Variants in SLC9A9 observed in about 807,000 individuals in gnomAD.
The protein encoded by SLC9A9 is sodium/hydrogen exchanger 9.
A neutral mutation model predicts 77.8 loss-of-function variants in SLC9A9; 62 were observed. That is an observed-to-expected ratio of 0.80 (90% CI 0.65 to 0.98). The LOEUF (loss-of-function observed/expected upper bound fraction) is 0.98. SLC9A9 is among the 50% of genes least tolerant of loss of function. The probability of loss-of-function intolerance (pLI) is 0.00; values close to 1 mark genes in which losing one functional copy is unlikely to be tolerated. For synonymous variants in SLC9A9, 320 were observed against 283.5 expected, an observed-to-expected ratio of 1.13 and a Z score of -1.29; for missense variants, 775 against 774.9, an observed-to-expected ratio of 1.00 and a Z score of 0.00.
In SLC9A9 at chr3:143,810,872, G is replaced by A. The variant is rs16854361; in HGVS notation, c.379-13969C>T. Among the ~76,000 whole-genome samples, 1,390 of 152,284 alleles carry A rather than the reference G, an allele frequency of 9.1e-3. 20 individuals are homozygous for A. The highest frequency in any genetic ancestry group is 0.031 in the African/African-American group (1,302 of 41,546). ...GGTTATAGTCCAAGAAAGGGAAGAC[G>A]CTGTATAATTGCATCTAAGGTGCTG... On this transcript the variant is annotated intron_variant, in intron 2 of 15. Transcript: ENST00000316549.
chr3:143,389,353 A>T (rs1193646607), intron 12 of SLC9A9, among the ~76,000 whole-genome samples: 1 of 152,334 alleles, frequency 6.6e-6, no homozygotes, highest in Middle Eastern at 3.4e-3. Context: ...CTAAGTTAGC[A>T]GTGGTGGAAA....
chr3:143,807,223 C>T (rs2008743300), intron 2 of SLC9A9, among the ~76,000 whole-genome samples: 1 of 152,096 alleles, frequency 6.6e-6, no homozygotes, highest in African/African-American at 2.4e-5. Flanking sequence ...GAGTGTGGAT[C>T]ACTTGAGGTC....
chr3:143,538,267 C>T (rs2036627138), intron 9 of SLC9A9, among the ~76,000 whole-genome samples: 1 of 152,112 alleles, frequency 6.6e-6, no homozygotes, highest in Non-Finnish European at 1.5e-5. Context: ...CTCTTTTAGT[C>T]TCTAGTATGC....
chr3:143,279,340 C>A (rs1257898985), intron 14 of SLC9A9, among the ~76,000 whole-genome samples: 2 of 152,176 alleles, frequency 1.3e-5, no homozygotes, highest in Non-Finnish European at 2.9e-5. Context: ...TAGGGTCCTG[C>A]CATAGGAATG....
chr3:143,694,499 A>G (rs1352890511), intron 4 of SLC9A9, among the ~76,000 whole-genome samples: 1 of 152,182 alleles, frequency 6.6e-6, no homozygotes, highest in Non-Finnish European at 1.5e-5. Context: ...GGCTAAAAAT[A>G]ATGATCAAAA....
At chr3:143,442,715 A>C (rs532762436) in intron 12 of SLC9A9, among the ~76,000 whole-genome samples, 146 of 152,196 alleles carry the variant, frequency 9.6e-4, no homozygotes, top group African/African-American at 3.4e-3. Flanking sequence ...ACAGAGTGAA[A>C]CTCCATCTCA....
At chr3:143,290,241 C>T (rs946521724) in intron 14 of SLC9A9, among the ~76,000 whole-genome samples, 2 of 152,138 alleles carry the variant, frequency 1.3e-5, no homozygotes, top group African/African-American at 4.8e-5. Flanking sequence ...TGGGATGGTC[C>T]AAGGCAAACC....
At chr3:143,493,623 C>A in intron 11 of SLC9A9, 30 bp downstream of exon 11, 1 of 1,573,402 alleles carries the variant, frequency 6.4e-7, no homozygotes, top group South Asian at 1.1e-5. Context: ...AGAAAACCAG[C>A]AGCACTAACA....
At chr3:143,430,209 A>G (rs2034486366) in intron 12 of SLC9A9, among the ~76,000 whole-genome samples, 1 of 152,160 alleles carries the variant, frequency 6.6e-6, no homozygotes, top group Non-Finnish European at 1.5e-5. Context: ...ATCAAGGAAA[A>G]CAGGTTGTGA....
chr3:143,483,479 C>T (rs962729639), intron 11 of SLC9A9, among the ~76,000 whole-genome samples: 1 of 152,200 alleles, frequency 6.6e-6, no homozygotes, highest in African/African-American at 2.4e-5. Flanking sequence ...TAAACTGTCA[C>T]CTCCAGGTGC....
At chr3:143,463,082 A>G (rs1310983784) in intron 12 of SLC9A9, among the ~76,000 whole-genome samples, 1 of 152,226 alleles carries the variant, frequency 6.6e-6, no homozygotes, top group African/African-American at 2.4e-5. Flanking sequence ...AATACAAGTC[A>G]GTTATTATTG....
intron 6 of SLC9A9, among the ~76,000 whole-genome samples, chr3:143,639,034 A>C (rs1045413050): frequency 2.0e-5 from 3 of 152,256 alleles, no homozygotes; most frequent in Non-Finnish European, 4.4e-5. Context: ...CCTGAAATAA[A>C]AGACATTTTC....
chr3:143,623,048 C>T (rs1409571879), intron 6 of SLC9A9, among the ~76,000 whole-genome samples: 1 of 152,164 alleles, frequency 6.6e-6, no homozygotes, highest in Non-Finnish European at 1.5e-5. Flanking sequence ...GAGATCAATT[C>T]AACAAGAAGA....
chr3:143,628,154 T>C (rs368894301), intron 6 of SLC9A9, among the ~76,000 whole-genome samples: 1 of 152,298 alleles, frequency 6.6e-6, no homozygotes, highest in African/African-American at 2.4e-5. Context: ...GAAGCTGTTT[T>C]CCTAAGGGAC....
chr3:143,567,938 G>A (rs1307057007), intron 8 of SLC9A9, among the ~76,000 whole-genome samples: 1 of 152,178 alleles, frequency 6.6e-6, no homozygotes, highest in Non-Finnish European at 1.5e-5. Flanking sequence ...CCGTCTTTGA[G>A]ACTGTCTTCC....
At chr3:143,298,013 C>T (rs1341052057) in intron 14 of SLC9A9, among the ~76,000 whole-genome samples, 1 of 152,188 alleles carries the variant, frequency 6.6e-6, no homozygotes, top group Non-Finnish European at 1.5e-5. Context: ...GGAAAAAAAT[C>T]ACCCATGGAG....
chr3:143,820,432 T>C (rs538394453), intron 2 of SLC9A9, among the ~76,000 whole-genome samples: 6 of 152,226 alleles, frequency 3.9e-5, no homozygotes, highest in Non-Finnish European at 7.3e-5. Context: ...TTTGCTATCT[T>C]TGTGACTTTT....
chr3:143,762,985 G>A (rs979079462), intron 4 of SLC9A9, among the ~76,000 whole-genome samples: 4 of 152,174 alleles, frequency 2.6e-5, no homozygotes, highest in Admixed American at 2.6e-4. Context: ...TCCAGGCTCT[G>A]CCATTCACTC....
intron 4 of SLC9A9, among the ~76,000 whole-genome samples, chr3:143,764,975 C>CTTCA (rs1048824520): frequency 1.8e-5 from 1 of 55,450 alleles, no homozygotes; most frequent in African/African-American, 9.1e-5. Flanking sequence ...TCTTTCTTTC[C>CTTCA]TTCCTTCCTT....
Sources: gnomAD v4.1 joint callset for allele counts (sites outside exome capture counted in the v4.1 genomes callset) on GRCh38, gnomAD v4.1.1 for gene constraint, MANE v1.5 for transcripts, NCBI Gene and HGNC (gene_info 2026-07-23, HGNC 2026-07-21) for gene names.